DPYD: variants seen among roughly 807,000 people sequenced by gnomAD.
DPYD encodes dihydropyrimidine dehydrogenase [NADP(+)].
In DPYD, 109 loss-of-function variants were observed where a neutral mutation model predicts 116.2. The observed-to-expected ratio is 0.94, with a 90% CI of 0.80 to 1.10. The LOEUF is 1.10. Ranked by LOEUF, DPYD falls within the 50% of genes least tolerant of loss-of-function variation. The pLI is 0.00. For missense variants in DPYD, 1,302 were observed against 1,254.5 expected, an observed-to-expected ratio of 1.04 and a Z score of -0.57; for synonymous variants, 440 against 432.0, an observed-to-expected ratio of 1.02 and a Z score of -0.23.
intron 2 of DPYD, among the ~76,000 whole-genome samples, chr1:97,864,052 C>T (rs1315692815): frequency 7.9e-5 from 12 of 152,018 alleles, no homozygotes; most frequent in Non-Finnish European, 1.5e-4. Flanking sequence ...GACAAGTAAA[C>T]GAGCAATATT....
chr1:97,276,470 T>C (rs1664933029), intron 18 of DPYD, among the ~76,000 whole-genome samples: 2 of 151,726 alleles, frequency 1.3e-5, no homozygotes, highest in African/African-American at 2.4e-5. Flanking sequence ...AAAACATAAA[T>C]AACTCCATTA....
chr1:97,677,380 CATTATT>C lies in DPYD; in HGVS notation c.850+1709_850+1714del, dbSNP rs151003774. Among the ~76,000 whole-genome samples the C allele has an allele frequency of 6.6e-3, 1,008 of 152,158 alleles. 6 individuals are homozygous for C. The highest frequency in any genetic ancestry group is 0.031 in the Middle Eastern group (9 of 294). ...TGAATTTCAAATAGTTATTTGATAA[CATTATT>C]AGTATTGCAGACCTAAAGCCTGATG... On this transcript the variant is annotated intron_variant, in intron 8 of 22. Transcript: ENST00000370192.
chr1:97,907,121 A>G (rs1241505832), intron 1 of DPYD, among the ~76,000 whole-genome samples: 1 of 152,112 alleles, frequency 6.6e-6, no homozygotes, highest in Non-Finnish European at 1.5e-5. Context: ...GGAGCGGAAC[A>G]ATGAAAGATT....
At chr1:97,545,081 A>G (rs1650726514) in intron 12 of DPYD, among the ~76,000 whole-genome samples, 2 of 152,204 alleles carry the variant, frequency 1.3e-5, no homozygotes, top group South Asian at 4.1e-4. Flanking sequence ...TTTAAGAGAT[A>G]GAATAAGAAT....
intron 5 of DPYD, among the ~76,000 whole-genome samples, chr1:97,707,129 A>C (rs1662009305): frequency 6.6e-6 from 1 of 152,124 alleles, no homozygotes; most frequent in East Asian, 1.9e-4. Context: ...GGTTTTTAAA[A>C]AGTCATTAGG....
chr1:97,468,845 G>C (rs530438908), intron 13 of DPYD, among the ~76,000 whole-genome samples: 27 of 152,260 alleles, frequency 1.8e-4, no homozygotes, highest in Admixed American at 7.2e-4. Context: ...AAGGATGAAT[G>C]ATTCAGTTTC....
chr1:97,420,020 T>G (rs1000041044), intron 14 of DPYD: 1 of 152,180 alleles, frequency 6.6e-6, no homozygotes, highest in Non-Finnish European at 1.5e-5. Context: ...GATATAGCCT[T>G]GTGCAGGAAA....
chr1:97,267,720 A>T (rs1664326124), intron 18 of DPYD, among the ~76,000 whole-genome samples: 1 of 151,862 alleles, frequency 6.6e-6, no homozygotes, highest in Admixed American at 6.6e-5. Flanking sequence ...ATCACCTCAC[A>T]CCTCTTATTG....
At chr1:97,114,812 T>C (rs1651852220) in intron 20 of DPYD, among the ~76,000 whole-genome samples, 1 of 152,144 alleles carries the variant, frequency 6.6e-6, no homozygotes, top group Admixed American at 6.6e-5. Flanking sequence ...CTGTTAACCA[T>C]CCAATGATGA....
chr1:97,105,777 A>G (rs1405955823), intron 20 of DPYD, among the ~76,000 whole-genome samples: 1 of 152,146 alleles, frequency 6.6e-6, no homozygotes, highest in African/African-American at 2.4e-5. Flanking sequence ...CCAATGAGCA[A>G]TTAATTCCAA....
At chr1:97,503,116 C>T (rs1459835364) in intron 13 of DPYD, among the ~76,000 whole-genome samples, 2 of 151,916 alleles carry the variant, frequency 1.3e-5, no homozygotes, top group African/African-American at 2.4e-5. Context: ...CTTCTGCATG[C>T]AAGCTTGTTT....
At position 97,079,010 on chromosome 1, in the gene DPYD, C is replaced by T. The variant is rs1461231148; in HGVS notation, c.3044G>A (p.Arg1015Lys). The change falls in exon 23 of 23, where the codon AGA becomes AAA. Residue 1015 changes from arginine to lysine, a missense_variant. Physicochemically the swap from Arg to Lys is conservative, Grantham distance 26 (BLOSUM62 2). Coordinates refer to ENST00000370192, the MANE Select transcript of DPYD (RefSeq NM_000110.4). ...VSRTTPYEPK[R>K]GVPLSVNPVC ...CGGATTCACAGATAAGGGTACGCCT[C>T]TCTTTGGTTCATAAGGTGTTGTCCT... 5.0e-6 allele frequency: 8 copies of T among 1,613,566 alleles called. No individual in the cohort carries two copies. The South Asian group carries it at 8.8e-5, about 18-fold the overall frequency.
intron 14 of DPYD, among the ~76,000 whole-genome samples, chr1:97,432,338 G>A (rs2101733862): frequency 6.6e-6 from 1 of 152,178 alleles, no homozygotes; most frequent in East Asian, 1.9e-4. Context: ...CAACTTCACT[G>A]ATTCCTTCCT....
chr1:97,868,107 A>G (rs1671478756), intron 2 of DPYD, among the ~76,000 whole-genome samples: 1 of 151,912 alleles, frequency 6.6e-6, no homozygotes, highest in South Asian at 2.1e-4. Flanking sequence ...GAAATCAAGA[A>G]AACAATCCCA....
intron 3 of DPYD, among the ~76,000 whole-genome samples, chr1:97,772,209 C>A (rs777407325): frequency 5.3e-5 from 8 of 152,172 alleles, no homozygotes; most frequent in Non-Finnish European, 8.8e-5. Context: ...TGCCACTCAG[C>A]ATCCTCTGTA....
intron 13 of DPYD, among the ~76,000 whole-genome samples, chr1:97,472,237 G>A (rs1005874960): frequency 1.3e-5 from 2 of 152,164 alleles, no homozygotes; most frequent in Admixed American, 6.5e-5. Flanking sequence ...AGTCTCTGAA[G>A]AGTTCCTCTT....
At chr1:97,169,499 G>T (rs539845079) in intron 20 of DPYD, among the ~76,000 whole-genome samples, 499 of 130,612 alleles carry the variant, frequency 3.8e-3, no homozygotes, top group Non-Finnish European at 6.6e-3. Context: ...TAATTGATTA[G>T]ATTTTTTTGA....
In DPYD at chr1:97,349,236, C is replaced by T. The variant is rs186838853; in HGVS notation, c.2058+24325G>A. Reference sequence around the variant, plus strand: ...TAACCATTTCCTGGCATAAAATAAGCTCTCAAAAATGAGAACCATTTAATA... The same window carrying T: ...TAACCATTTCCTGGCATAAAATAAGTTCTCAAAAATGAGAACCATTTAATA... On this transcript the variant is annotated intron_variant, in intron 16 of 22. Coordinates refer to ENST00000370192, the MANE Select transcript of DPYD (RefSeq NM_000110.4). Among the ~76,000 whole-genome samples the T allele has an allele frequency of 7.8e-3, 1,185 of 151,498 alleles. 18 individuals are homozygous for T. Among genetic ancestry groups the T allele is most frequent in the African/African-American group, 0.027 (1,128 of 41,296 alleles).
At chr1:97,785,240 CATTT>C (rs1366743554) in intron 3 of DPYD, among the ~76,000 whole-genome samples, 3 of 151,988 alleles carry the variant, frequency 2.0e-5, no homozygotes, top group African/African-American at 4.8e-5. Context: ...ATGCATATTT[CATTT>C]GTTATTTTCA....
Sources: allele counts gnomAD v4.1 joint callset (sites outside exome capture counted in the v4.1 genomes callset), GRCh38; gene constraint gnomAD v4.1.1; transcripts MANE v1.5; gene names NCBI Gene and HGNC (gene_info 2026-07-23, HGNC 2026-07-21).